The following CDH20 variants were observed in gnomAD, a reference collection of about 807,000 sequenced individuals.
The protein encoded by CDH20 is cadherin-20.
In CDH20, 29 loss-of-function variants were observed where a neutral mutation model predicts 74.2. The observed-to-expected ratio is 0.39, with a 90% confidence interval of 0.29 to 0.53. CDH20 has a LOEUF of 0.53. CDH20 is among the 20% of genes least tolerant of loss of function. The pLI is 0.69. For missense variants in CDH20, 988 were observed against 1,048.3 expected (o/e 0.94, Z 0.79); for synonymous variants, 469 against 405.4 (o/e 1.16, Z -1.88).
intron 1 of CDH20, among the ~76,000 whole-genome samples, chr18:61,405,787 C>A (rs1426899395): frequency 6.6e-6 from 1 of 152,122 alleles, no homozygotes; most frequent in Non-Finnish European, 1.5e-5. Context: ...GGATGAGGCC[C>A]AGCAGCCTGT....
intron 2 of CDH20, among the ~76,000 whole-genome samples, chr18:61,497,136 A>G (rs1911198231): frequency 6.6e-6 from 1 of 150,816 alleles, no homozygotes; most frequent in South Asian, 2.1e-4. Flanking sequence ...AAAAGAAAAT[A>G]CTGTATACGA....
chr18:61,412,097 T>G (rs1912531966), intron 1 of CDH20, among the ~76,000 whole-genome samples: 1 of 151,564 alleles, frequency 6.6e-6, no homozygotes, highest in Non-Finnish European at 1.5e-5. Flanking sequence ...AAAAGATACA[T>G]GATGGATTGA....
intron 11 of CDH20, among the ~76,000 whole-genome samples, chr18:61,550,846 GGT>G (rs772297504): frequency 3.9e-5 from 6 of 152,184 alleles, no homozygotes; most frequent in Non-Finnish European, 5.9e-5. Flanking sequence ...CTTCAAACAG[GGT>G]AGTCAGGGAA....
chr18:61,515,186 G>A (rs1042721224), intron 6 of CDH20, among the ~76,000 whole-genome samples: 11 of 152,152 alleles, frequency 7.2e-5, no homozygotes, highest in Non-Finnish European at 1.2e-4. Flanking sequence ...AGCCAGGTGC[G>A]GGATATAATC....
intron 1 of CDH20, among the ~76,000 whole-genome samples, chr18:61,394,621 G>A (rs775577947): frequency 3.8e-4 from 58 of 152,130 alleles, no homozygotes; most frequent in Middle Eastern, 3.2e-3. Flanking sequence ...AGAACTGTGA[G>A]ACAATAGATT....
intron 1 of CDH20, among the ~76,000 whole-genome samples, chr18:61,446,873 C>G (rs558696416): frequency 6.6e-6 from 1 of 152,164 alleles, no homozygotes; most frequent in Non-Finnish European, 1.5e-5. Context: ...TGTAAACACA[C>G]GAGGATTGGT....
chr18:61,357,619 G>T (rs1162739139), intron 1 of CDH20, among the ~76,000 whole-genome samples: 2 of 152,168 alleles, frequency 1.3e-5, no homozygotes, highest in East Asian at 3.9e-4. Flanking sequence ...AGTATTGCAT[G>T]CCAGCCAAGT....
intron 5 of CDH20, among the ~76,000 whole-genome samples, chr18:61,506,093 T>G (rs553655445): frequency 1.6e-3 from 241 of 152,342 alleles, no homozygotes; most frequent in Non-Finnish European, 2.4e-3. Flanking sequence ...TAGAACCAAA[T>G]ATAATGAAAC....
chr18:61,418,380 C>T (rs1358575473), intron 1 of CDH20, among the ~76,000 whole-genome samples: 1 of 151,806 alleles, frequency 6.6e-6, no homozygotes, highest in Non-Finnish European at 1.5e-5. Context: ...TGGTGAAACC[C>T]CGTCTCTACT....
chr18:61,466,761 C>T (rs1009292431), intron 1 of CDH20, among the ~76,000 whole-genome samples: 18 of 152,274 alleles, frequency 1.2e-4, no homozygotes, highest in African/African-American at 3.6e-4. Flanking sequence ...GAAATTAGCG[C>T]ACAACTACAG....
intron 1 of CDH20, among the ~76,000 whole-genome samples, chr18:61,423,481 G>A (rs1462199958): frequency 3.3e-5 from 5 of 152,124 alleles, no homozygotes; most frequent in African/African-American, 7.2e-5. Flanking sequence ...TCAGGGCCAA[G>A]GCCCTATCTT....
At position 61,333,840 on chromosome 18, in the gene CDH20, G is replaced by T. The variant is rs1197998034; in HGVS notation, c.-153+13G>T. ...CCGGCGGTGCCAGGTAACGCAGAGG[G>T]CTCGGGTCGGGCCCCGCTTCTGGGG... On this transcript the variant is annotated intron_variant, in intron 1 of 11. Transcript: ENST00000262717. The T allele has an allele frequency of 2.0e-5, 3 of 152,244 alleles. No individual in the cohort carries two copies. The highest frequency in any genetic ancestry group is 1.3e-4 in the Admixed American group (2 of 15,288). The allele number at this position is 152,244 out of a possible 1,614,324, so 9.4% of individuals were successfully genotyped here.
chr18:61,375,289 A>AG (rs1317830072), intron 1 of CDH20, among the ~76,000 whole-genome samples: 24 of 152,258 alleles, frequency 1.6e-4, no homozygotes, highest in African/African-American at 5.3e-4. Flanking sequence ...TAAAAGCTCT[A>AG]ACTTTGTTCT....
At chr18:61,397,401 T>C (rs1342881793) in intron 1 of CDH20, among the ~76,000 whole-genome samples, 1 of 152,192 alleles carries the variant, frequency 6.6e-6, no homozygotes, top group Non-Finnish European at 1.5e-5. Context: ...GACTGCCTGC[T>C]GCAGCCCCGC....
At chr18:61,544,848 C>A (rs538054799) in intron 9 of CDH20, among the ~76,000 whole-genome samples, 179 bp from the exon 10 acceptor site, 1 of 152,260 alleles carries the variant, frequency 6.6e-6, no homozygotes, top group African/African-American at 2.4e-5. Flanking sequence ...GAGGATGGAG[C>A]CCTCACCAGG....
intron 1 of CDH20, among the ~76,000 whole-genome samples, chr18:61,429,397 G>C (rs545952864): frequency 7.2e-5 from 11 of 152,140 alleles, no homozygotes; most frequent in African/African-American, 2.7e-4. Flanking sequence ...ACTAAAAGTT[G>C]GCTTTAGAAT....
At chr18:61,547,374 A>C (rs189292476) in intron 10 of CDH20, among the ~76,000 whole-genome samples, 1 of 152,126 alleles carries the variant, frequency 6.6e-6, no homozygotes, top group Non-Finnish European at 1.5e-5. Context: ...GGGCAGATCT[A>C]CTGTCAACTA....
At chr18:61,506,709 T>C (rs922857397) in intron 5 of CDH20, among the ~76,000 whole-genome samples, 3 of 152,206 alleles carry the variant, frequency 2.0e-5, no homozygotes, top group African/African-American at 7.2e-5. Context: ...GCTTCTTACA[T>C]ATGTGAGAAC....
At chr18:61,480,419 A>AT (rs1910550531) in intron 1 of CDH20, among the ~76,000 whole-genome samples, 1 of 152,184 alleles carries the variant, frequency 6.6e-6, no homozygotes, top group Non-Finnish European at 1.5e-5. Context: ...GATTTTATAC[A>AT]TTTTAGGGAG....
Sources: gnomAD v4.1 joint callset for allele counts (sites outside exome capture counted in the v4.1 genomes callset) on GRCh38, gnomAD v4.1.1 for gene constraint, MANE v1.5 for transcripts, NCBI Gene and HGNC (gene_info 2026-07-23, HGNC 2026-07-21) for gene names.